Variants in TRAF3 observed in about 807,000 individuals in gnomAD.
The protein encoded by TRAF3 is TNF receptor associated factor 3.
A neutral mutation model predicts 62.3 loss-of-function variants in TRAF3; 13 were observed. That is an observed-to-expected ratio of 0.21 (90% confidence interval 0.14 to 0.33). The LOEUF (loss-of-function observed/expected upper bound fraction) is 0.33, where lower values mean the gene tolerates loss of function less well. Ranked by LOEUF, TRAF3 falls within the 10% of genes least tolerant of loss-of-function variation. TRAF3 has a pLI of 1.00. For missense variants in TRAF3, 440 were observed against 741.8 expected, an observed-to-expected ratio of 0.59 and a Z score of 4.73; for synonymous variants, 269 against 283.4, an observed-to-expected ratio of 0.95 and a Z score of 0.51.
chr14:102,832,094 T>C (rs1900725248), intron 2 of TRAF3, among the ~76,000 whole-genome samples: 1 of 152,158 alleles, frequency 6.6e-6, no homozygotes, highest in South Asian at 2.1e-4. Context: ...AAATTTATTT[T>C]TCTTAGTTGA....
At chr14:102,778,664 G>A (rs954866886) in intron 1 of TRAF3, among the ~76,000 whole-genome samples, 10 of 152,126 alleles carry the variant, frequency 6.6e-5, no homozygotes, top group Non-Finnish European at 1.2e-4. Context: ...GAGCGTTGTA[G>A]CGGCTTCTTA....
intron 2 of TRAF3, among the ~76,000 whole-genome samples, chr14:102,834,682 C>T (rs1329521291): frequency 3.6e-5 from 3 of 82,906 alleles, no homozygotes; most frequent in East Asian, 3.9e-4. Context: ...AGCGAGACTC[C>T]GTCTCAAAAA....
intron 2 of TRAF3, among the ~76,000 whole-genome samples, chr14:102,839,210 C>CCTTTTTTTTTTTTTTTTTTTTTTTTTT (rs1310697452): frequency 1.1e-5 from 1 of 89,836 alleles, no homozygotes; most frequent in African/African-American, 4.4e-5. Flanking sequence ...GTTGATTTGC[C>CCTTTTTTTTTTTTTTTTTTTTTTTTTT]TTTTTTTTTT....
chr14:102,795,649 A>G (rs925419183), intron 1 of TRAF3, among the ~76,000 whole-genome samples: 3 of 148,402 alleles, frequency 2.0e-5, no homozygotes, highest in African/African-American at 7.4e-5. Flanking sequence ...TTTCTGACTC[A>G]TAAGTCCCAT....
chr14:102,832,454 A>G (rs1257974796), intron 2 of TRAF3, among the ~76,000 whole-genome samples: 3 of 151,908 alleles, frequency 2.0e-5, no homozygotes, highest in African/African-American at 7.2e-5. Context: ...CAGGTGGATC[A>G]CCTGAGGTCA....
intron 2 of TRAF3, among the ~76,000 whole-genome samples, chr14:102,838,488 G>T (rs1007355854): frequency 1.7e-4 from 26 of 152,214 alleles, no homozygotes; most frequent in Admixed American, 8.5e-4. Flanking sequence ...TGTGCCTGCC[G>T]TCCTGCTAGG....
chr14:102,887,167 G>A (rs1218242926), intron 7 of TRAF3, among the ~76,000 whole-genome samples: 2 of 152,228 alleles, frequency 1.3e-5, no homozygotes, highest in African/African-American at 4.8e-5. Context: ...TGTCCTGACG[G>A]GGAGCTCCTT....
rs568148045 is a variant in TRAF3 at position 102,823,006 on chromosome 14, C to A, written c.-156-7328C>A. On this transcript the variant is annotated intron_variant, in intron 1 of 11. Coordinates refer to ENST00000392745, the MANE Select transcript of TRAF3 (RefSeq NM_145725.3). ...AGGCAACAAGAGTGAAACTCCATCT[C>A]AAAAAAAAAAAAAAGAAACACATGT... Among the ~76,000 whole-genome samples the A allele has an allele frequency of 6.3e-3, 808 of 128,828 alleles. 6 individuals are homozygous for A. The highest frequency in any genetic ancestry group is 0.012 in the Admixed American group (154 of 12,966). 84.5% of individuals were successfully genotyped at this position (128,828 alleles called of 152,430 possible). A position where few individuals can be genotyped will look rare whatever the true frequency, so the allele number is the denominator to read the frequency against.
Position 102,898,693 on chromosome 14 carries a change from A to T in TRAF3, c.960+1292A>T, listed in dbSNP as rs546790506. 2.0e-5 allele frequency among the ~76,000 whole-genome samples: 3 copies of T among 152,352 alleles called. No homozygotes were observed. In the South Asian group the frequency reaches 6.2e-4, roughly 32 times the overall value. On this transcript the variant is annotated intron_variant, in intron 10 of 11. Transcript: ENST00000392745. ...ACAAAAAGTTAGAATATACACAGTG[A>T]TGTACCAACGCCCCATCCCAAACCT...
At chr14:102,803,766 A>G (rs1898591306) in intron 1 of TRAF3, among the ~76,000 whole-genome samples, 2 of 152,036 alleles carry the variant, frequency 1.3e-5, no homozygotes, top group Admixed American at 6.6e-5. Flanking sequence ...CTGCTCGCTT[A>G]CAGAATTCTG....
At chr14:102,789,973 A>C (rs1897710833) in intron 1 of TRAF3, among the ~76,000 whole-genome samples, 1 of 152,010 alleles carries the variant, frequency 6.6e-6, no homozygotes, top group Non-Finnish European at 1.5e-5. Flanking sequence ...GACTACAGGC[A>C]CACGCCACCA....
In TRAF3 at chr14:102,909,134, C is replaced by T. The variant is rs941718181; in HGVS notation, c.*3350C>T. On this transcript the variant is annotated 3_prime_UTR_variant, in exon 12 of 12. Coordinates refer to ENST00000392745, the MANE Select transcript of TRAF3 (RefSeq NM_145725.3). ...TTGGGACTAGACATGCCAGCCCCAG[C>T]TGGGCTGGAGGGAGCCTGAGTGAGC... 6.6e-6 allele frequency: 1 copy of T among 152,318 alleles called. No individual in the cohort carries two copies. Among genetic ancestry groups the T allele is most frequent in the African/African-American group, 2.4e-5 (1 of 41,454 alleles). 9.4% of individuals were successfully genotyped at this position (152,318 alleles called of 1,614,324 possible).
At chr14:102,806,842 T>G (rs1379790607) in intron 1 of TRAF3, among the ~76,000 whole-genome samples, 1 of 152,132 alleles carries the variant, frequency 6.6e-6, no homozygotes, top group East Asian at 1.9e-4. Flanking sequence ...TCCACAAACC[T>G]TGAGAGTGAG....
At chr14:102,851,392 G>A (rs944328716) in intron 2 of TRAF3, among the ~76,000 whole-genome samples, 3 of 152,164 alleles carry the variant, frequency 2.0e-5, no homozygotes, top group African/African-American at 7.2e-5. Flanking sequence ...GGAAGACACG[G>A]GATTCCTGCC....
chr14:102,829,151 T>G (rs1158261036), intron 1 of TRAF3, among the ~76,000 whole-genome samples: 1 of 152,206 alleles, frequency 6.6e-6, no homozygotes, highest in East Asian at 1.9e-4. Context: ...CAAACGGTAT[T>G]AAATGCATTA....
At chr14:102,793,887 C>A (rs979131445) in intron 1 of TRAF3, among the ~76,000 whole-genome samples, 9 of 152,216 alleles carry the variant, frequency 5.9e-5, no homozygotes, top group African/African-American at 2.2e-4. Flanking sequence ...GTGGGCTGAT[C>A]AAGCAGGGCT....
chr14:102,834,122 C>CA (rs1004968203), intron 2 of TRAF3, among the ~76,000 whole-genome samples: 2 of 152,016 alleles, frequency 1.3e-5, no homozygotes, highest in South Asian at 2.1e-4. Flanking sequence ...CATATGGAAC[C>CA]AAAAAAGAGC....
At chr14:102,852,920 G>A (rs1859922644) in intron 2 of TRAF3, among the ~76,000 whole-genome samples, 1 of 150,920 alleles carries the variant, frequency 6.6e-6, no homozygotes, top group Non-Finnish European at 1.5e-5. Flanking sequence ...TTGAGACAGA[G>A]TCTCACTCTG....
chr14:102,833,067 C>A (rs921664909), intron 2 of TRAF3, among the ~76,000 whole-genome samples: 1 of 152,182 alleles, frequency 6.6e-6, no homozygotes, highest in Non-Finnish European at 1.5e-5. Flanking sequence ...GTGCACTTCC[C>A]TTTGGTACTT....
Sources: allele counts gnomAD v4.1 joint callset (sites outside exome capture counted in the v4.1 genomes callset), GRCh38; gene constraint gnomAD v4.1.1; transcripts MANE v1.5; gene names NCBI Gene and HGNC (gene_info 2026-07-23, HGNC 2026-07-21).